HNRNPLL: variants seen among roughly 807,000 people sequenced by gnomAD.
HNRNPLL encodes the protein heterogeneous nuclear ribonucleoprotein L like.
In HNRNPLL, 25 loss-of-function variants were observed where a neutral mutation model predicts 67.1. The observed-to-expected ratio is 0.37, with a 90% confidence interval of 0.27 to 0.52. The LOEUF is 0.52. Among genes scored for constraint, HNRNPLL ranks in the 20% least tolerant of loss-of-function variants. The pLI, the probability that HNRNPLL is intolerant of heterozygous loss-of-function variation, is 0.90. For synonymous variants in HNRNPLL, 267 were observed against 241.7 expected (o/e 1.10, Z -0.97); for missense variants, 542 against 673.9 (o/e 0.80, Z 2.17).
chr2:38,602,580 C>CCTGG lies in HNRNPLL; in HGVS notation c.46_47insCCAG (p.Arg16ProfsTer57). Reference sequence around the variant, plus strand: ...ACGCTTGGCCTGGCTCTCGTACTCCCGGTCCTCCTCGTACGTCTCCCTGGG... The same window carrying CCTGG: ...ACGCTTGGCCTGGCTCTCGTACTCCCCTGGGGTCCTCCTCGTACGTCTCCCTGGG... On this transcript the variant is annotated frameshift_variant, in exon 1 of 13. Coordinates refer to ENST00000449105, the MANE Select transcript of HNRNPLL (RefSeq NM_138394.4). LOFTEE classifies it high-confidence loss of function. The CCTGG allele has an allele frequency of 6.4e-7, 1 of 1,573,324 alleles. No individual in the cohort carries two copies. The highest frequency in any genetic ancestry group is 8.6e-7 in the Non-Finnish European group (1 of 1,161,458).
rs1665732142 is a variant in HNRNPLL, at chr2:38,563,352, A to C, written c.*830T>G. ...TGTAAATATCCAAAATTCTACATACAATTTTAGGGGGTACACAGATTCTCT... is the reference window on the plus strand; with the variant it reads ...TGTAAATATCCAAAATTCTACATACCATTTTAGGGGGTACACAGATTCTCT... On this transcript the variant is annotated 3_prime_UTR_variant, in exon 13 of 13. Coordinates refer to ENST00000449105, the MANE Select transcript of HNRNPLL (RefSeq NM_138394.4). The C allele has an allele frequency of 6.6e-6, 1 of 152,114 alleles. No individual in the cohort carries two copies. Among genetic ancestry groups the C allele is most frequent in the Non-Finnish European group, 1.5e-5 (1 of 67,950 alleles). 9.4% of individuals were successfully genotyped at this position (152,114 alleles called of 1,614,324 possible). A position where few individuals can be genotyped will look rare whatever the true frequency, so the allele number is the denominator to read the frequency against.
chr2:38,582,598 C>T lies in HNRNPLL; in HGVS notation c.633-430G>A, dbSNP rs573400393. ...GTGCTGGGATCACAGACGTGAGTCA[C>T]TGCGCCTGGCCAGGAGAATTTATTT... On this transcript the variant is annotated intron_variant, in intron 4 of 12. Transcript: ENST00000449105. Among the ~76,000 whole-genome samples the T allele has an allele frequency of 5.3e-5, 8 of 152,248 alleles. No homozygotes were observed. In the East Asian group the frequency reaches 1.5e-3, roughly 29 times the overall value.
At chr2:38,597,950 T>C (rs185134145) in intron 1 of HNRNPLL, among the ~76,000 whole-genome samples, 3 of 152,210 alleles carry the variant, frequency 2.0e-5, no homozygotes, top group East Asian at 1.9e-4. Context: ...GCCTCCCAAA[T>C]TGCTGGGATT....
chr2:38,591,374 C>T (rs142501291), intron 2 of HNRNPLL, among the ~76,000 whole-genome samples, 156 bp downstream of exon 2: 3 of 152,262 alleles, frequency 2.0e-5, no homozygotes, highest in Non-Finnish European at 4.4e-5. Context: ...AGGCTTAAAA[C>T]GTTCCAAAGA....
intron 1 of HNRNPLL, among the ~76,000 whole-genome samples, chr2:38,595,381 A>G (rs1351252136): frequency 1.3e-5 from 2 of 151,742 alleles, no homozygotes; most frequent in African/African-American, 4.8e-5. Flanking sequence ...AACCACTATC[A>G]TGAGTATAGT....
intron 8 of HNRNPLL, 140 bp from the exon 9 acceptor site, chr2:38,570,065 G>A: frequency 1.6e-6 from 1 of 622,622 alleles, no homozygotes; most frequent in Non-Finnish European, 2.9e-6. Flanking sequence ...GCCATGTTAT[G>A]AGATACCCTT....
intron 12 of HNRNPLL, among the ~76,000 whole-genome samples, chr2:38,566,835 AT>A (rs1665881705): frequency 6.6e-6 from 1 of 150,898 alleles, no homozygotes; most frequent in South Asian, 2.1e-4. Flanking sequence ...AAAAAAAAAA[AT>A]TAAAAATAAA....
chr2:38,589,210 C>T (rs1666865587), intron 2 of HNRNPLL, among the ~76,000 whole-genome samples: 1 of 152,134 alleles, frequency 6.6e-6, no homozygotes, highest in Admixed American at 6.5e-5. Flanking sequence ...CACAACACAA[C>T]CATTTTTAAT....
chr2:38,573,562 CA>C, intron 7 of HNRNPLL, 135 bp from the exon 8 acceptor site: 1 of 626,296 alleles, frequency 1.6e-6, no homozygotes, highest in South Asian at 2.0e-5. Context: ...AAAGAAAACT[CA>C]AATGTATGAA....
intron 1 of HNRNPLL, among the ~76,000 whole-genome samples, chr2:38,598,216 G>T (rs1394918417): frequency 6.6e-6 from 1 of 152,136 alleles, no homozygotes; most frequent in Non-Finnish European, 1.5e-5. Context: ...GGGAAGAGGG[G>T]AAGATCAAAA....
intron 2 of HNRNPLL, among the ~76,000 whole-genome samples, chr2:38,589,366 G>GA (rs1666871477): frequency 2.0e-5 from 3 of 151,962 alleles, no homozygotes; most frequent in Non-Finnish European, 4.4e-5. Context: ...TTAAATAAAG[G>GA]GAAAGTTTCC....
At chr2:38,600,749 C>CAA (rs58338837) in intron 1 of HNRNPLL, among the ~76,000 whole-genome samples, 30 of 131,448 alleles carry the variant, frequency 2.3e-4, no homozygotes, top group South Asian at 1.2e-3. Context: ...GAGATCCTCT[C>CAA]AAAAAAAAAA....
chr2:38,586,639 C>A (rs1226465121), intron 2 of HNRNPLL, among the ~76,000 whole-genome samples: 2 of 152,086 alleles, frequency 1.3e-5, no homozygotes, highest in African/African-American at 4.8e-5. Context: ...ACTTTTAAAA[C>A]AGAGATAAAT....
rs1278301692 is a variant in HNRNPLL, at chr2:38,586,038, TTGAGA to T, written c.309-162_309-158del. Among the ~76,000 whole-genome samples, 1,428 of 152,210 alleles carry T rather than the reference TTGAGA, an allele frequency of 9.4e-3. 62 individuals are homozygous for T. The highest frequency in any genetic ancestry group is 0.077 in the Admixed American group (1,172 of 15,272). ...AACGTAAGTCAACTTTTTTTTTTTT[TTGAGA>T]CGGAGTCTTTCTCTGTCGCCCAGGC... On this transcript the variant is annotated intron_variant, in intron 2 of 12. Coordinates refer to ENST00000449105, the MANE Select transcript of HNRNPLL (RefSeq NM_138394.4).
At position 38,568,190 on chromosome 2, in the gene HNRNPLL, TTTAC is replaced by T; in HGVS notation, c.1573+5_1573+8del. ...CATAATTACAACACAAATAAAGCAT[TTTAC>T]TTACTCGGCACTCTTATCTGATAGT... On this transcript the variant is annotated splice_donor_5th_base_variant and intron_variant, in intron 12 of 12. Transcript: ENST00000449105. 6.4e-7 allele frequency: 1 copy of T among 1,570,926 alleles called. No individual in the cohort carries two copies. Among genetic ancestry groups the T allele is most frequent in the Non-Finnish European group, 8.7e-7 (1 of 1,144,818 alleles).
At position 38,602,757 on chromosome 2, in the gene HNRNPLL, C is replaced by A; in HGVS notation, c.-131G>T. On this transcript the variant is annotated 5_prime_UTR_variant, in exon 1 of 13. Transcript: ENST00000449105. Reference sequence around the variant, plus strand: ...AGGGTCTCCGCGGCCCGGCCGTCCGCGGGGACTGCGCGGCCAGGAGACTGG... The same window carrying A: ...AGGGTCTCCGCGGCCCGGCCGTCCGAGGGGACTGCGCGGCCAGGAGACTGG... 1 of 1,513,754 alleles carries A rather than the reference C, an allele frequency of 6.6e-7. No individual in the cohort carries two copies. The allele number at this position is 1,513,754 out of a possible 1,614,324, so 93.8% of individuals were successfully genotyped here.
At chr2:38,582,209 C>T (rs1666556297) in intron 4 of HNRNPLL, 41 bp from the exon 5 acceptor site, 2 of 1,306,710 alleles carry the variant, frequency 1.5e-6, no homozygotes, top group South Asian at 1.2e-5. Context: ...GTATCTGATA[C>T]TTAATCATTA....
chr2:38,594,289 T>G (rs535446077), intron 1 of HNRNPLL, among the ~76,000 whole-genome samples: 1 of 152,262 alleles, frequency 6.6e-6, no homozygotes, highest in Non-Finnish European at 1.5e-5. Flanking sequence ...CTAGGAAAAT[T>G]TGAATACAGA....
chr2:38,581,526 CCTT>C (rs1666528497), intron 6 of HNRNPLL: 1 of 266,854 alleles, frequency 3.7e-6, no homozygotes, highest in East Asian at 7.2e-5. Flanking sequence ...AGTCCTCTAT[CCTT>C]CTTAATGCCT....
Sources: allele counts gnomAD v4.1 joint callset (sites outside exome capture counted in the v4.1 genomes callset), GRCh38; gene constraint gnomAD v4.1.1; transcripts MANE v1.5; gene names NCBI Gene and HGNC (gene_info 2026-07-23, HGNC 2026-07-21).